ERBB4: variants seen among roughly 807,000 people sequenced by gnomAD.
The protein encoded by ERBB4 is receptor tyrosine-protein kinase erbB-4.
In ERBB4, 42 loss-of-function variants were observed where a neutral mutation model predicts 158.0. The ratio of observed to expected loss-of-function variants is 0.27; its 90% CI spans 0.21 to 0.34. The LOEUF (loss-of-function observed/expected upper bound fraction) is 0.34, where lower values mean the gene tolerates loss of function less well. ERBB4 is among the 10% of genes least tolerant of loss of function. The probability of loss-of-function intolerance (pLI) is 1.00; values close to 1 mark genes in which losing one functional copy is unlikely to be tolerated. For missense variants in ERBB4, 1,333 were observed against 1,624.1 expected, an observed-to-expected ratio of 0.82 and a Z score of 3.08; for synonymous variants, 583 against 558.7, an observed-to-expected ratio of 1.04 and a Z score of -0.61.
intron 19 of ERBB4, among the ~76,000 whole-genome samples, chr2:211,605,081 T>G (rs371814733): frequency 6.6e-6 from 1 of 152,172 alleles, no homozygotes; most frequent in African/African-American, 2.4e-5. Context: ...CCATGATGAA[T>G]GGAAGAAAAC....
At chr2:211,506,081 G>T (rs73071135) in intron 20 of ERBB4, among the ~76,000 whole-genome samples, 8,273 of 152,046 alleles carry the variant, frequency 0.054, 755 homozygotes, top group African/African-American at 0.19. Context: ...AAGTAAAGGG[G>T]TAGAAAAAGA....
At chr2:211,949,775 T>C (rs1274785444) in intron 2 of ERBB4, among the ~76,000 whole-genome samples, 1 of 152,172 alleles carries the variant, frequency 6.6e-6, no homozygotes, top group East Asian at 1.9e-4. Context: ...AATATCACCT[T>C]CTCAGTTGAG....
intron 7 of ERBB4, among the ~76,000 whole-genome samples, chr2:211,721,850 G>C (rs2074106188): frequency 6.6e-6 from 1 of 151,948 alleles, no homozygotes; most frequent in South Asian, 2.1e-4. Flanking sequence ...AGTAAAAACA[G>C]AAAGAGGTTT....
chr2:211,911,196 C>T (rs556950214), intron 3 of ERBB4, among the ~76,000 whole-genome samples: 5 of 152,152 alleles, frequency 3.3e-5, no homozygotes, highest in South Asian at 4.2e-4. Context: ...TTGAAGAGCC[C>T]GACAGTCTTT....
chr2:211,911,612 T>C (rs1025781350), intron 3 of ERBB4, among the ~76,000 whole-genome samples: 1 of 152,162 alleles, frequency 6.6e-6, no homozygotes, highest in Non-Finnish European at 1.5e-5. Context: ...ATATTTTGAA[T>C]GGCAATATTT....
intron 1 of ERBB4, among the ~76,000 whole-genome samples, chr2:212,416,660 C>T (rs2091661085): frequency 6.6e-6 from 1 of 151,938 alleles, no homozygotes; most frequent in Admixed American, 6.6e-5. Flanking sequence ...CAAGTTCAAC[C>T]CTTACATCAT....
chr2:212,201,602 T>A (rs1460251738), intron 1 of ERBB4, among the ~76,000 whole-genome samples: 4 of 152,226 alleles, frequency 2.6e-5, no homozygotes, highest in Non-Finnish European at 5.9e-5. Flanking sequence ...GTCAAAATAT[T>A]TCCTTCATTT....
At chr2:212,313,689 C>T (rs2087146383) in intron 1 of ERBB4, among the ~76,000 whole-genome samples, 1 of 150,954 alleles carries the variant, frequency 6.6e-6, no homozygotes, top group African/African-American at 2.4e-5. Flanking sequence ...CATTTTAACA[C>T]TATTCCCACA....
chr2:212,098,629 T>TA (rs2078997185), intron 2 of ERBB4, among the ~76,000 whole-genome samples: 1 of 152,168 alleles, frequency 6.6e-6, no homozygotes, highest in Non-Finnish European at 1.5e-5. Flanking sequence ...AAGAAGTTTT[T>TA]ATTTTCTTTT....
chr2:211,828,652 G>A (rs1431281159), intron 3 of ERBB4, among the ~76,000 whole-genome samples: 1 of 152,082 alleles, frequency 6.6e-6, no homozygotes, highest in African/African-American at 2.4e-5. Context: ...TATAAAGAAA[G>A]GTTCCCTAGA....
At chr2:211,870,900 T>G (rs1418811275) in intron 3 of ERBB4, among the ~76,000 whole-genome samples, 4 of 152,142 alleles carry the variant, frequency 2.6e-5, no homozygotes, top group Non-Finnish European at 5.9e-5. Context: ...AATTTGTTCG[T>G]TCATTCAACA....
chr2:212,136,930 A>C (rs567604070), intron 1 of ERBB4, among the ~76,000 whole-genome samples: 1 of 152,274 alleles, frequency 6.6e-6, no homozygotes, highest in East Asian at 1.9e-4. Flanking sequence ...AACCCAATTC[A>C]TAGTCACATT....
chr2:211,446,879 G>C (rs1407710933), intron 20 of ERBB4, among the ~76,000 whole-genome samples: 1 of 151,936 alleles, frequency 6.6e-6, no homozygotes, highest in Non-Finnish European at 1.5e-5. Flanking sequence ...AATGATCCAT[G>C]TCTCCTACTG....
At position 212,437,271 on chromosome 2, in the gene ERBB4, C is replaced by T. The variant is rs576000027; in HGVS notation, c.82+101178G>A. On this transcript the variant is annotated intron_variant, in intron 1 of 27. Transcript: ENST00000342788. Reference sequence around the variant, plus strand: ...CAGTCTGCTAGAACTTATTCCAGCTCTCTGGGATACAAGGATTTCCCTTAC... The same window carrying T: ...CAGTCTGCTAGAACTTATTCCAGCTTTCTGGGATACAAGGATTTCCCTTAC... Among the ~76,000 whole-genome samples the T allele has an allele frequency of 3.9e-5, 6 of 152,058 alleles. No homozygotes were observed. The South Asian group carries it at 8.3e-4, about 21-fold the overall frequency.
At chr2:212,430,842 A>G (rs1356300821) in intron 1 of ERBB4, among the ~76,000 whole-genome samples, 1 of 151,964 alleles carries the variant, frequency 6.6e-6, no homozygotes, top group Non-Finnish European at 1.5e-5. Flanking sequence ...GGGATGGGGG[A>G]AGCAAGAGAG....
At chr2:211,399,285 A>C (rs948706564) in intron 25 of ERBB4, among the ~76,000 whole-genome samples, 2 of 152,194 alleles carry the variant, frequency 1.3e-5, no homozygotes, top group African/African-American at 4.8e-5. Flanking sequence ...TTTACTATTA[A>C]ATTTTTCATA....
chr2:211,864,652 A>T (rs11679499), intron 3 of ERBB4, among the ~76,000 whole-genome samples: 50,998 of 152,058 alleles, frequency 0.34, 8,895 homozygotes, highest in South Asian at 0.41. Context: ...AATCTCTGCC[A>T]TTATGTAAAG....
At chr2:211,776,278 T>C (rs537172973) in intron 4 of ERBB4, among the ~76,000 whole-genome samples, 2 of 152,206 alleles carry the variant, frequency 1.3e-5, no homozygotes, top group African/African-American at 2.4e-5. Context: ...CCGAGTTCTA[T>C]TAGCTTGTGT....
rs7565960 is a variant in ERBB4, at chr2:211,377,709, G to A, written c.*5906C>T. The A allele has an allele frequency of 0.25, 57,298 of 232,114 alleles. 7,513 individuals are homozygous for A. The highest frequency in any genetic ancestry group is 0.28 in the Non-Finnish European group (33,062 of 117,418). The allele number at this position is 232,114 out of a possible 1,614,324, so 14.4% of individuals were successfully genotyped here. On this transcript the variant is annotated 3_prime_UTR_variant, in exon 28 of 28. Transcript: ENST00000342788. ...CAAATAAGATGAATAAAGCAAATAA[G>A]TTAATTTACTGGCAAAAATAACTTC...
Sources: allele counts gnomAD v4.1 joint callset (sites outside exome capture counted in the v4.1 genomes callset), GRCh38; gene constraint gnomAD v4.1.1; transcripts MANE v1.5; gene names NCBI Gene and HGNC (gene_info 2026-07-23, HGNC 2026-07-21).